The following CR1 variants were observed in gnomAD, a reference collection of about 807,000 sequenced individuals.
The protein encoded by CR1 is complement C3b/C4b receptor 1 (Knops blood group).
CR1 carries 116 observed loss-of-function variants against 187.3 expected under a neutral mutation model. That is an observed-to-expected ratio of 0.62 (90% confidence interval 0.53 to 0.72). The LOEUF (loss-of-function observed/expected upper bound fraction) is 0.72, where lower values mean the gene tolerates loss of function less well. CR1 is among the 30% of genes least tolerant of loss of function. CR1 has a pLI of 0.00. For synonymous variants in CR1, 576 were observed against 747.1 expected (o/e 0.77, Z 3.73); for missense variants, 1,731 against 2,110.7 (o/e 0.82, Z 3.52).
rs115510609 is a variant in CR1 at position 207,630,591 on chromosome 1, G to A, written c.7427G>A (p.Arg2476Gln). The part of the protein sequence containing the change: ...HSQGGSSVHP[R>Q]TLQTNEENSR... ...CAAGGAGGCAGCAGCGTTCATCCCCGAACTCTGCAAACAAATGAAGAAAAT... is the reference window on the plus strand; with the variant it reads ...CAAGGAGGCAGCAGCGTTCATCCCCAAACTCTGCAAACAAATGAAGAAAAT... Residue 2476 changes from arginine to glutamine, a missense_variant, in exon 46 of 47, where the codon CGA becomes CAA. Coordinates refer to ENST00000367049, the MANE Select transcript of CR1 (RefSeq NM_000651.6). The A allele has an allele frequency of 8.8e-4, 1,419 of 1,608,320 alleles. 4 individuals carry two copies. In the African/African-American group the frequency reaches 0.011, roughly 12 times the overall value.
intron 35 of CR1, chr1:207,606,506 G>A (rs988139623): frequency 6.6e-6 from 1 of 152,196 alleles, no homozygotes; most frequent in African/African-American, 2.4e-5. Flanking sequence ...TGCAGTTACT[G>A]CCTCATCATT....
At chr1:207,595,430 A>T (rs989468486) in intron 35 of CR1, among the ~76,000 whole-genome samples, 1 of 152,276 alleles carries the variant, frequency 6.6e-6, no homozygotes, top group Middle Eastern at 3.4e-3. Context: ...CCCCGGCCCT[A>T]CATGGAAGAA....
rs200535461 is a variant in CR1, at chr1:207,593,104, C to T, written c.5810+4330C>T. 1.1e-3 allele frequency among the ~76,000 whole-genome samples: 88 copies of T among 81,892 alleles called. 1 individual carries two copies. The highest frequency in any genetic ancestry group is 7.4e-3 in the African/African-American group (85 of 11,562). 53.7% of individuals were successfully genotyped at this position (81,892 alleles called of 152,430 possible). On this transcript the variant is annotated intron_variant, in intron 35 of 46. Transcript: ENST00000367049. ...AATTACAAAAAAAAAAAAAAAAAAA[C>T]TACTTTAAACTTCATATGGAACCAA...
At chr1:207,586,038 A>G (rs1661101646) in intron 33 of CR1, among the ~76,000 whole-genome samples, 1 of 152,118 alleles carries the variant, frequency 6.6e-6, no homozygotes, top group Non-Finnish European at 1.5e-5. Context: ...GCAGCACACA[A>G]TATACTCTCT....
intron 39 of CR1, 78 bp downstream of exon 39, chr1:207,612,119 A>G (rs1661953859): frequency 7.0e-7 from 1 of 1,427,194 alleles, no homozygotes; most frequent in African/African-American, 1.4e-5. Flanking sequence ...AATCCAATTA[A>G]GGAGCTGACC....
intron 35 of CR1, among the ~76,000 whole-genome samples, chr1:207,604,040 C>G (rs561426609): frequency 2.0e-5 from 3 of 152,188 alleles, no homozygotes; most frequent in Non-Finnish European, 4.4e-5. Context: ...TGAGTCACAA[C>G]AGTGACTCTT....
intron 37 of CR1, among the ~76,000 whole-genome samples, chr1:207,609,970 A>G (rs573693966): frequency 6.6e-6 from 1 of 152,312 alleles, no homozygotes; most frequent in South Asian, 2.1e-4. Context: ...ACTGAGTCTT[A>G]GTGATATTAA....
At position 207,623,069 on chromosome 1, in the gene CR1, G is replaced by T; in HGVS notation, c.7352+1G>T. ...GGATAATTCTAAAGCACAGAAAAGG[G>T]TAAGTATAGCCATATTATCCCAAGA... On this transcript the variant is annotated splice_donor_variant, in intron 45 of 46. Coordinates refer to ENST00000367049, the MANE Select transcript of CR1 (RefSeq NM_000651.6). LOFTEE classifies it high-confidence loss of function. 1.9e-6 allele frequency: 3 copies of T among 1,565,696 alleles called. No individual in the cohort carries two copies. The South Asian group carries it at 3.5e-5, about 18-fold the overall frequency.
intron 3 of CR1, 83 bp from the exon 4 acceptor site, chr1:207,511,486 A>G: frequency 7.3e-7 from 1 of 1,362,938 alleles, no homozygotes; most frequent in East Asian, 2.3e-5. Context: ...ATCCTATAAG[A>G]GTGTAATCTC....
intron 42 of CR1, among the ~76,000 whole-genome samples, chr1:207,618,461 C>A (rs576420633): frequency 2.5e-4 from 38 of 152,304 alleles, no homozygotes; most frequent in Admixed American, 2.3e-3. Flanking sequence ...AGAGCATTAA[C>A]AAAATCACCT....
intron 35 of CR1, among the ~76,000 whole-genome samples, chr1:207,593,594 C>G (rs1019017613): frequency 1.3e-5 from 2 of 152,102 alleles, no homozygotes; most frequent in Non-Finnish European, 2.9e-5. Context: ...GTAACAAAAA[C>G]CAAAATTGAC....
Position 207,609,308 on chromosome 1 carries a change from C to G in CR1, c.5915C>G (p.Pro1972Arg). Reference protein sequence around the residue: ...PICEIISCEPPPTISNGDFYS... With the variant: ...PICEIISCEPRPTISNGDFYS... ...CTCTCAGTCATATCTTGTGAGCCAC[C>G]TCCAACCATATCCAATGGAGACTTC... Residue 1972 changes from proline to arginine, a missense_variant, in exon 37 of 47, where the codon CCT becomes CGT. Coordinates refer to ENST00000367049, the MANE Select transcript of CR1 (RefSeq NM_000651.6). The G allele has an allele frequency of 6.2e-7, 1 of 1,613,060 alleles. No homozygotes were observed. The highest frequency in any genetic ancestry group is 8.5e-7 in the Non-Finnish European group (1 of 1,179,198).
At chr1:207,610,764 G>A (rs1262640881) in intron 37 of CR1, among the ~76,000 whole-genome samples, 2 of 151,940 alleles carry the variant, frequency 1.3e-5, no homozygotes, top group Non-Finnish European at 2.9e-5. Flanking sequence ...TCTTTGAGGG[G>A]GGGTTGTTCT....
chr1:207,575,356 C>G (rs1161293356), intron 27 of CR1, among the ~76,000 whole-genome samples: 4 of 152,082 alleles, frequency 2.6e-5, no homozygotes, highest in African/African-American at 9.7e-5. Flanking sequence ...AGTTGCAGTC[C>G]ACAGTGAAGC....
chr1:207,511,527 C>T (rs749101788), intron 3 of CR1, 42 bp from the exon 4 acceptor site: 2 of 1,583,290 alleles, frequency 1.3e-6, no homozygotes, highest in African/African-American at 2.7e-5. Context: ...GGTAGTTGAC[C>T]TGTGTCTTTA....
intron 1 of CR1, among the ~76,000 whole-genome samples, chr1:207,502,316 GAA>G (rs1317960127): frequency 1.3e-5 from 2 of 152,292 alleles, no homozygotes; most frequent in East Asian, 1.9e-4. Flanking sequence ...TGTCGGACTA[GAA>G]ATTATTATAG....
At chr1:207,577,294 A>G (rs1660782072) in intron 28 of CR1, among the ~76,000 whole-genome samples, 1 of 152,090 alleles carries the variant, frequency 6.6e-6, no homozygotes, top group Admixed American at 6.6e-5. Flanking sequence ...CTCTAATAAT[A>G]CATGGATACA....
intron 27 of CR1, among the ~76,000 whole-genome samples, 157 bp from the exon 28 acceptor site, chr1:207,575,438 A>G (rs1373928971): frequency 6.6e-6 from 1 of 152,234 alleles, no homozygotes; most frequent in Non-Finnish European, 1.5e-5. Flanking sequence ...TGAAAGAATA[A>G]GAAAAAGAAA....
intron 45 of CR1, among the ~76,000 whole-genome samples, chr1:207,625,362 G>A (rs1011293266): frequency 6.6e-5 from 10 of 152,132 alleles, no homozygotes; most frequent in Non-Finnish European, 1.0e-4. Context: ...TAGACTTAAA[G>A]GTCAGGGATG....
Sources: allele counts gnomAD v4.1 joint callset (sites outside exome capture counted in the v4.1 genomes callset), GRCh38; gene constraint gnomAD v4.1.1; transcripts MANE v1.5; gene names NCBI Gene and HGNC (gene_info 2026-07-23, HGNC 2026-07-21).